FBXO8: variants seen among roughly 807,000 people sequenced by gnomAD.
The protein encoded by FBXO8 is F-box protein 8, also known as F-box only protein 8.
FBXO8 carries 15 observed loss-of-function variants against 33.4 expected under a neutral mutation model. The observed-to-expected ratio is 0.45, with a 90% confidence interval of 0.30 to 0.69. The LOEUF (loss-of-function observed/expected upper bound fraction) is 0.69. Among genes scored for constraint, FBXO8 ranks in the 30% least tolerant of loss-of-function variants. The probability of loss-of-function intolerance (pLI) is 0.08; values close to 1 mark genes in which losing one functional copy is unlikely to be tolerated. For missense variants in FBXO8, 274 were observed against 380.3 expected (o/e 0.72, Z 2.32); for synonymous variants, 132 against 131.5 (o/e 1.00, Z -0.02).
Position 174,263,059 on chromosome 4 carries a change from G to A in FBXO8, c.34C>T (p.Gln12Ter). ...CTGTAGCCTTCTTGTTGCAGCTGCTGGTTTCTGACCACTCTCCACAACCCT... is the reference window on the plus strand; with the variant it reads ...CTGTAGCCTTCTTGTTGCAGCTGCTAGTTTCTGACCACTCTCCACAACCCT... ...GQGLWRVVRN[Q>*]QLQQEGYSEQ... The change falls in exon 2 of 6, where the codon CAG becomes TAG. Residue 12 changes from glutamine (Q) to a stop codon, truncating the protein, a stop_gained. Coordinates refer to ENST00000393674, the MANE Select transcript of FBXO8 (RefSeq NM_012180.3). LOFTEE classifies it high-confidence loss of function. This position sits in a 1 kb window ranked among gnomAD's most constrained non-coding sequence, Gnocchi z 4.2. 6.2e-7 allele frequency: 1 copy of A among 1,613,842 alleles called. No individual in the cohort carries two copies.
rs900006231 is a variant in FBXO8, at chr4:174,261,880, T to C, written c.329+884A>G. Among the ~76,000 whole-genome samples, 3 of 152,082 alleles carry C rather than the reference T, an allele frequency of 2.0e-5. No homozygotes were observed. The highest frequency in any genetic ancestry group is 7.2e-5 in the African/African-American group (3 of 41,460). Reference sequence around the variant, plus strand: ...TTAAAAAGATATTTGTTTTTAGTTATAGTCTATATTTTTATAAAGACCTAT... The same window carrying C: ...TTAAAAAGATATTTGTTTTTAGTTACAGTCTATATTTTTATAAAGACCTAT... On this transcript the variant is annotated intron_variant, in intron 2 of 5. Coordinates refer to ENST00000393674, the MANE Select transcript of FBXO8 (RefSeq NM_012180.3). This position sits in a 1 kb window ranked among gnomAD's most constrained non-coding sequence, Gnocchi z 4.1.
rs1391265306 is a variant in FBXO8, at chr4:174,255,412, C to T, written c.456+4287G>A. Among the ~76,000 whole-genome samples the T allele has an allele frequency of 6.6e-6, 1 of 151,944 alleles. No individual in the cohort carries two copies. The highest frequency in any genetic ancestry group is 1.5e-5 in the Non-Finnish European group (1 of 67,954). On this transcript the variant is annotated intron_variant, in intron 3 of 5. Transcript: ENST00000393674. This position sits in a 1 kb window ranked among gnomAD's most constrained non-coding sequence, Gnocchi z 4.3. Reference sequence around the variant, plus strand: ...ATTTCCTGTTTATACTTTAGCTGGTCCAATAACAAAAATAACATGTTATCT... The same window carrying T: ...ATTTCCTGTTTATACTTTAGCTGGTTCAATAACAAAAATAACATGTTATCT...
In FBXO8 at chr4:174,278,044, A is replaced by C. The variant is rs1262349042; in HGVS notation, c.-9+5366T>G. Among the ~76,000 whole-genome samples the C allele has an allele frequency of 6.6e-6, 1 of 152,108 alleles. No individual in the cohort carries two copies. The highest frequency in any genetic ancestry group is 1.5e-5 in the Non-Finnish European group (1 of 67,966). ...TATTTCTTCACTTCCAAAAGAATAG[A>C]CCACCAAAGAAGTTTAGAACAGACT... On this transcript the variant is annotated intron_variant, in intron 1 of 5. Coordinates refer to ENST00000393674, the MANE Select transcript of FBXO8 (RefSeq NM_012180.3). This position sits in a 1 kb window ranked among gnomAD's most constrained non-coding sequence, Gnocchi z 4.1.
rs1333542831 is a variant in FBXO8 at position 174,239,086 on chromosome 4, C to T, written c.680G>A (p.Arg227His). The T allele has an allele frequency of 2.5e-6, 4 of 1,608,398 alleles. No homozygotes were observed. The highest frequency in any genetic ancestry group is 1.7e-5 in the Admixed American group (1 of 59,610). Residue 227 changes from arginine (R) to histidine (H), a missense_variant, in exon 5 of 6, where the codon CGT (arginine) becomes CAT (histidine). Transcript: ENST00000393674. ...TATAAGAGTTTCAAGATACTCTCCA[C>T]GCTCTTCAGGGGCATGGATATGACG... ...FFRHIHAPEE[R>H]GEYLETLITK...
At chr4:174,243,711 T>C (rs1736097275) in intron 3 of FBXO8, among the ~76,000 whole-genome samples, 2 of 151,252 alleles carry the variant, frequency 1.3e-5, no homozygotes, top group African/African-American at 2.4e-5. Flanking sequence ...CTAGACCACA[T>C]AGCATATCAG....
intron 3 of FBXO8, among the ~76,000 whole-genome samples, chr4:174,250,796 T>C (rs1010796365): frequency 1.3e-5 from 2 of 152,108 alleles, no homozygotes; most frequent in Non-Finnish European, 2.9e-5. Context: ...TACTCATATT[T>C]TGAAGTGACA....
At chr4:174,268,611 AT>A (rs11326297) in intron 1 of FBXO8, among the ~76,000 whole-genome samples, 131,386 of 151,500 alleles carry the variant, frequency 0.87, 57,538 homozygotes, top group Non-Finnish European at 0.94. Context: ...AATTTTTTGT[AT>A]TTTTTAGTAG....
At chr4:174,238,681 A>G (rs1184485993) in intron 5 of FBXO8, among the ~76,000 whole-genome samples, 1 of 149,388 alleles carries the variant, frequency 6.7e-6, no homozygotes, top group East Asian at 1.9e-4. Flanking sequence ...TATACATATA[A>G]ATTTGTAATA....
chr4:174,279,677 G>T (rs1737033906), intron 1 of FBXO8, among the ~76,000 whole-genome samples: 1 of 152,028 alleles, frequency 6.6e-6, no homozygotes, highest in Non-Finnish European at 1.5e-5. Context: ...ATAGAACAGA[G>T]AATCCAGAAA....
At position 174,237,558 on chromosome 4, in the gene FBXO8, T is replaced by C. The variant is rs1560863359; in HGVS notation, c.814A>G (p.Ile272Val). 1 of 1,613,530 alleles carries C rather than the reference T, an allele frequency of 6.2e-7. No homozygotes were observed. Among genetic ancestry groups the C allele is most frequent in the Middle Eastern group, 1.6e-4 (1 of 6,062 alleles). ...TTCACATGAGGGCTAGTGAGGTCAA[T>C]GGAAAGTAGAATCAAAGAGTAGCAC... ...VLCYSLILLS[I>V]DLTSPHVKNK... Residue 272 changes from isoleucine to valine, a missense_variant, in exon 6 of 6, where the codon ATT (isoleucine) becomes GTT (valine). Around this residue, in one of 2 missense-constraint regions of FBXO8, gnomAD observed 186 missense variants for 293.4 expected, o/e 0.63. Transcript: ENST00000393674. The surrounding 1 kb of genome is among the most constrained non-coding windows in gnomAD (Gnocchi z 4.4).
In FBXO8 at chr4:174,267,294, T is replaced by A. The variant is rs1274175100; in HGVS notation, c.-8-4194A>T. Among the ~76,000 whole-genome samples, 1 of 152,150 alleles carries A rather than the reference T, an allele frequency of 6.6e-6. No homozygotes were observed. The highest frequency in any genetic ancestry group is 1.9e-4 in the East Asian group (1 of 5,200). ...TAGGTATGGTGACTCATGTCTGTAA[T>A]CCCAGCACTTTTCGAGAAGCTGAGG... is the stretch of plus-strand genomic sequence containing the variant. On this transcript the variant is annotated intron_variant, in intron 1 of 5. Coordinates refer to ENST00000393674, the MANE Select transcript of FBXO8 (RefSeq NM_012180.3). This position sits in a 1 kb window ranked among gnomAD's most constrained non-coding sequence, Gnocchi z 4.7.
At chr4:174,243,030 T>C (rs551858674) in intron 3 of FBXO8, among the ~76,000 whole-genome samples, 32 of 151,596 alleles carry the variant, frequency 2.1e-4, no homozygotes, top group Non-Finnish European at 4.1e-4. Flanking sequence ...ACAAACCTAC[T>C]AATAGTATAC....
rs1296932396 is a variant in FBXO8, at chr4:174,265,620, C to T, written c.-8-2520G>A. Among the ~76,000 whole-genome samples, 2 of 152,058 alleles carry T rather than the reference C, an allele frequency of 1.3e-5. No individual in the cohort carries two copies. Among genetic ancestry groups the T allele is most frequent in the African/African-American group, 2.4e-5 (1 of 41,424 alleles). Reference sequence around the variant, plus strand: ...GAAGCAAATCTAAAAAAGTTCTTTACTGTATGATTCTAATTATAAGACATT... The same window carrying T: ...GAAGCAAATCTAAAAAAGTTCTTTATTGTATGATTCTAATTATAAGACATT... On this transcript the variant is annotated intron_variant, in intron 1 of 5. Coordinates refer to ENST00000393674, the MANE Select transcript of FBXO8 (RefSeq NM_012180.3). This position sits in a 1 kb window ranked among gnomAD's most constrained non-coding sequence, Gnocchi z 4.7.
rs2126426051 is a variant in FBXO8 at position 174,252,769 on chromosome 4, AG to A, written c.456+6929del. 6.6e-6 allele frequency among the ~76,000 whole-genome samples: 1 copy of A among 152,022 alleles called. No homozygotes were observed. The highest frequency in any genetic ancestry group is 2.1e-4 in the South Asian group (1 of 4,816). The stretch of plus-strand genomic sequence containing the variant: ...ATTCCTGTAATTCCAGCACTTTGGG[AG>A]GCCGAGGCAGGTGGGTCACTTGAGG... On this transcript the variant is annotated intron_variant, in intron 3 of 5. Transcript: ENST00000393674. The surrounding 1 kb of genome is among the most constrained non-coding windows in gnomAD (Gnocchi z 5.1).
Position 174,278,747 on chromosome 4 carries a change from A to C in FBXO8, c.-9+4663T>G, listed in dbSNP as rs567364028. 6.6e-6 allele frequency among the ~76,000 whole-genome samples: 1 copy of C among 152,020 alleles called. No individual in the cohort carries two copies. Among genetic ancestry groups the C allele is most frequent in the Non-Finnish European group, 1.5e-5 (1 of 67,830 alleles). Reference sequence around the variant, plus strand: ...TTGCTATGAGTGCTATGGAATTAAAAACCAAAACAAAAGTCATAATTCTCA... The same window carrying C: ...TTGCTATGAGTGCTATGGAATTAAACACCAAAACAAAAGTCATAATTCTCA... On this transcript the variant is annotated intron_variant, in intron 1 of 5. Transcript: ENST00000393674. This position sits in a 1 kb window ranked among gnomAD's most constrained non-coding sequence, Gnocchi z 4.1.
chr4:174,248,964 G>C lies in FBXO8; in HGVS notation c.457-7746C>G, dbSNP rs539387193. Among the ~76,000 whole-genome samples the C allele has an allele frequency of 5.9e-5, 9 of 152,068 alleles. 1 individual carries two copies. In the South Asian group the frequency reaches 1.7e-3, roughly 28 times the overall value. On this transcript the variant is annotated intron_variant, in intron 3 of 5. Transcript: ENST00000393674. ...TGGAGTCCAGGGAAAACACAGAGGAGGTATAGGACAGGTCTTCCTGCTTAT... is the reference window on the plus strand; with the variant it reads ...TGGAGTCCAGGGAAAACACAGAGGACGTATAGGACAGGTCTTCCTGCTTAT...
chr4:174,245,466 T>C lies in FBXO8; in HGVS notation c.457-4248A>G, dbSNP rs1736138530. On this transcript the variant is annotated intron_variant, in intron 3 of 5. Transcript: ENST00000393674. This position sits in a 1 kb window ranked among gnomAD's most constrained non-coding sequence, Gnocchi z 4.6. Reference sequence around the variant, plus strand: ...GTATTATATGAGCAAAAGTAATATATAATTTTTAAAGACTATTTTTAGGAA... The same window carrying C: ...GTATTATATGAGCAAAAGTAATATACAATTTTTAAAGACTATTTTTAGGAA... Among the ~76,000 whole-genome samples, 2 of 151,908 alleles carry C rather than the reference T, an allele frequency of 1.3e-5. No individual in the cohort carries two copies. Among genetic ancestry groups the C allele is most frequent in the African/African-American group, 2.4e-5 (1 of 41,410 alleles).
Position 174,241,184 on chromosome 4 carries a change from T to C in FBXO8, c.491A>G (p.Asp164Gly). Residue 164 changes from aspartate to glycine, a missense_variant, in exon 4 of 6, where the codon GAT becomes GGT. Around this residue, in one of 2 missense-constraint regions of FBXO8, gnomAD observed 186 missense variants for 293.4 expected, o/e 0.63. Coordinates refer to ENST00000393674, the MANE Select transcript of FBXO8 (RefSeq NM_012180.3). This position sits in a 1 kb window ranked among gnomAD's most constrained non-coding sequence, Gnocchi z 4.2. ...VNYFMSKGIL[D>G]DSPKEIAKFI... The stretch of plus-strand genomic sequence containing the variant: ...CTTTGCTATTTCCTTTGGCGAATCA[T>C]CCAGGATACCCTTGGACATAAAGTA... 6.2e-7 allele frequency: 1 copy of C among 1,609,962 alleles called. No homozygotes were observed. The highest frequency in any genetic ancestry group is 8.5e-7 in the Non-Finnish European group (1 of 1,177,188).
chr4:174,240,328 C>G (rs1428036069), intron 4 of FBXO8, among the ~76,000 whole-genome samples: 1 of 151,678 alleles, frequency 6.6e-6, no homozygotes, highest in South Asian at 2.1e-4. Context: ...TGCTACTACT[C>G]TAGCAAAGTT....
Sources: gnomAD v4.1 joint callset for allele counts (sites outside exome capture counted in the v4.1 genomes callset) on GRCh38, gnomAD v4.1.1 for gene constraint, gnomAD v4.1.1 regional missense constraint, Gnocchi (gnomAD v3.1) non-coding constraint, MANE v1.5 for transcripts, NCBI Gene and HGNC (gene_info 2026-07-23, HGNC 2026-07-21) for gene names.